The following SULF1 variants were observed in gnomAD, a reference collection of about 807,000 sequenced individuals.
SULF1 encodes the protein sulfatase 1, also known as extracellular sulfatase Sulf-1.
In SULF1, 46 loss-of-function variants were observed where a neutral mutation model predicts 110.5. The observed-to-expected ratio is 0.42, with a 90% CI of 0.33 to 0.53. The LOEUF is 0.53. Ranked by LOEUF, SULF1 falls within the 20% of genes least tolerant of loss-of-function variation. The probability of loss-of-function intolerance (pLI) is 0.12; values close to 1 mark genes in which losing one functional copy is unlikely to be tolerated. For missense variants in SULF1, 941 were observed against 1,094.2 expected (o/e 0.86, Z 1.98); for synonymous variants, 371 against 387.1 (o/e 0.96, Z 0.49).
intron 3 of SULF1, among the ~76,000 whole-genome samples, chr8:69,550,619 T>C (rs1230264961): frequency 6.6e-6 from 1 of 152,092 alleles, no homozygotes; most frequent in Non-Finnish European, 1.5e-5. Context: ...AGACCAGACA[T>C]GAACCCTTTC....
chr8:69,507,453 A>C (rs893510352), intron 3 of SULF1, among the ~76,000 whole-genome samples: 1 of 152,174 alleles, frequency 6.6e-6, no homozygotes, highest in African/African-American at 2.4e-5. Context: ...ATGGTGTCCT[A>C]ATTTGACCGC....
chr8:69,527,259 C>T (rs1270078776), intron 3 of SULF1, among the ~76,000 whole-genome samples: 4 of 151,904 alleles, frequency 2.6e-5, no homozygotes, highest in African/African-American at 4.8e-5. Flanking sequence ...ATCTGTAAAC[C>T]GCATAGAAAC....
At chr8:69,560,455 C>T (rs1166453559) in intron 3 of SULF1, among the ~76,000 whole-genome samples, 5 of 152,272 alleles carry the variant, frequency 3.3e-5, no homozygotes, top group Admixed American at 3.3e-4. Flanking sequence ...ACCAATTGAC[C>T]ATAACTACAA....
chr8:69,572,411 G>C (rs892921309), intron 5 of SULF1, among the ~76,000 whole-genome samples: 3 of 152,154 alleles, frequency 2.0e-5, no homozygotes, highest in African/African-American at 7.2e-5. Flanking sequence ...ATTATTGTCT[G>C]GATCAAATTA....
chr8:69,616,164 AC>A (rs1809111378), intron 13 of SULF1, among the ~76,000 whole-genome samples: 1 of 146,470 alleles, frequency 6.8e-6, no homozygotes, highest in African/African-American at 2.5e-5. Context: ...GTGTATATAT[AC>A]ATATATATGT....
chr8:69,645,054 G>T (rs1390239043), intron 22 of SULF1, among the ~76,000 whole-genome samples: 2 of 152,212 alleles, frequency 1.3e-5, no homozygotes, highest in African/African-American at 2.4e-5. Flanking sequence ...AAGGTGTTGA[G>T]GACACTTGGG....
chr8:69,510,945 T>TAC (rs56386460), intron 3 of SULF1, among the ~76,000 whole-genome samples: 9,803 of 141,106 alleles, frequency 0.069, 794 homozygotes, highest in East Asian at 0.38. Flanking sequence ...ATATCATCAT[T>TAC]ACACACACAC....
intron 1 of SULF1, among the ~76,000 whole-genome samples, chr8:69,485,671 C>T (rs1360425031): frequency 6.6e-6 from 1 of 152,198 alleles, no homozygotes; most frequent in Non-Finnish European, 1.5e-5. Flanking sequence ...TGTCCAGGGT[C>T]CTAGTCCCCA....
chr8:69,591,849 G>A (rs1464126410), intron 8 of SULF1, among the ~76,000 whole-genome samples: 1 of 152,120 alleles, frequency 6.6e-6, no homozygotes, highest in Non-Finnish European at 1.5e-5. Flanking sequence ...ATTGTCTGTG[G>A]CTGCTTTCAC....
chr8:69,589,507 C>G (rs1806727460), intron 8 of SULF1, among the ~76,000 whole-genome samples: 1 of 152,318 alleles, frequency 6.6e-6, no homozygotes, highest in Admixed American at 6.5e-5. Flanking sequence ...TTCATAGCTG[C>G]ACAGTGGGGA....
chr8:69,484,189 T>C (rs1316969214), intron 1 of SULF1, among the ~76,000 whole-genome samples: 1 of 152,214 alleles, frequency 6.6e-6, no homozygotes, highest in Admixed American at 6.5e-5. Flanking sequence ...TTTCCTCATA[T>C]TTAGTAATTT....
intron 18 of SULF1, 108 bp downstream of exon 18, chr8:69,628,344 G>A (rs1334465175): frequency 1.1e-6 from 1 of 917,804 alleles, no homozygotes; most frequent in African/African-American, 1.7e-5. Context: ...CGCTTCAGAA[G>A]AAGTAGATCC....
At chr8:69,641,609 A>G (rs1811477489) in intron 22 of SULF1, among the ~76,000 whole-genome samples, 1 of 151,918 alleles carries the variant, frequency 6.6e-6, no homozygotes, top group African/African-American at 2.4e-5. Context: ...GGTGATGCAC[A>G]CCTGTAGTCC....
chr8:69,585,402 TC>T (rs1806382814), intron 6 of SULF1, among the ~76,000 whole-genome samples: 1 of 152,160 alleles, frequency 6.6e-6, no homozygotes, highest in African/African-American at 2.4e-5. Flanking sequence ...TGACTACCAT[TC>T]TGCTAGGTTG....
chr8:69,633,399 G>A (rs1810737434), intron 19 of SULF1, among the ~76,000 whole-genome samples: 1 of 150,014 alleles, frequency 6.7e-6, no homozygotes, highest in Admixed American at 6.7e-5. Flanking sequence ...TGCGTTCTCA[G>A]CTCACTGCAA....
chr8:69,631,056 G>A (rs1252990701), intron 19 of SULF1, among the ~76,000 whole-genome samples: 2 of 152,038 alleles, frequency 1.3e-5, no homozygotes, highest in African/African-American at 4.8e-5. Flanking sequence ...AGAGCGTGGG[G>A]AAGACGGGTC....
At chr8:69,511,058 C>G (rs1325548041) in intron 3 of SULF1, among the ~76,000 whole-genome samples, 1 of 151,834 alleles carries the variant, frequency 6.6e-6, no homozygotes, top group Non-Finnish European at 1.5e-5. Flanking sequence ...GAAACCAGTA[C>G]TAGACAGGAG....
At chr8:69,526,798 A>AAGGAAGGAAGGAAGG (rs1812704738) in intron 3 of SULF1, among the ~76,000 whole-genome samples, 3 of 112,198 alleles carry the variant, frequency 2.7e-5, no homozygotes, top group African/African-American at 3.4e-5. Flanking sequence ...GTCAAGAAAG[A>AAGGAAGGAAGGAAGG]AAGGAAGGAA....
intron 17 of SULF1, 36 bp downstream of exon 17, chr8:69,627,902 T>A: frequency 6.6e-7 from 1 of 1,519,594 alleles, no homozygotes. Flanking sequence ...ACTTTCCAAA[T>A]TCATTTCCGC....
Sources: gnomAD v4.1 joint callset for allele counts (sites outside exome capture counted in the v4.1 genomes callset) on GRCh38, gnomAD v4.1.1 for gene constraint, MANE v1.5 for transcripts, NCBI Gene and HGNC (gene_info 2026-07-23, HGNC 2026-07-21) for gene names.